CHRM3: variants seen among roughly 807,000 people sequenced by gnomAD.
CHRM3 encodes the protein muscarinic acetylcholine receptor M3.
A neutral mutation model predicts 41.8 loss-of-function variants in CHRM3; 11 were observed. The ratio of observed to expected loss-of-function variants is 0.26; its 90% CI spans 0.17 to 0.44. The LOEUF is 0.44. CHRM3 is among the 20% of genes least tolerant of loss of function. The pLI, the probability that CHRM3 is intolerant of heterozygous loss-of-function variation, is 1.00. For missense variants in CHRM3, 571 were observed against 745.4 expected, an observed-to-expected ratio of 0.77 and a Z score of 2.72; for synonymous variants, 297 against 301.4, an observed-to-expected ratio of 0.99 and a Z score of 0.15.
At position 239,493,649 on chromosome 1, in the gene CHRM3, A is replaced by T. The variant is rs550983203; in HGVS notation, c.-422+842A>T. On this transcript the variant is annotated intron_variant, in intron 2 of 6. Transcript: ENST00000676153. ...TTTTGTGTTTAATTAGTAGGCTCTG[A>T]CTGAGCAGAAAATTAAAATCCCCTA... Among the ~76,000 whole-genome samples the T allele has an allele frequency of 6.6e-5, 10 of 152,268 alleles. 1 individual carries two copies. The South Asian group carries it at 2.1e-3, about 32-fold the overall frequency.
At chr1:239,550,760 A>G (rs1388643483) in intron 3 of CHRM3, among the ~76,000 whole-genome samples, 2 of 152,066 alleles carry the variant, frequency 1.3e-5, no homozygotes, top group Non-Finnish European at 1.5e-5. Context: ...ATTAAGCTCT[A>G]TTGATTGATT....
intron 5 of CHRM3, among the ~76,000 whole-genome samples, chr1:239,681,573 C>A (rs565457122): frequency 6.6e-6 from 1 of 152,256 alleles, no homozygotes; most frequent in South Asian, 2.1e-4. Context: ...ATGTATATGA[C>A]ATTCAAGTAA....
At chr1:239,734,995 T>C (rs1337979158) in intron 5 of CHRM3, among the ~76,000 whole-genome samples, 1 of 152,184 alleles carries the variant, frequency 6.6e-6, no homozygotes, top group Non-Finnish European at 1.5e-5. Flanking sequence ...ATAGGGCATT[T>C]GCATTTGCTC....
intron 1 of CHRM3, among the ~76,000 whole-genome samples, chr1:239,407,417 T>TATATATATATATATATATATATAGAG: frequency 1.3e-4 from 17 of 134,214 alleles, no homozygotes; most frequent in South Asian, 4.8e-4. Flanking sequence ...TATATATATA[T>TATATATATATATATATATATATAGAG]AGAGAGAGAG....
intron 3 of CHRM3, among the ~76,000 whole-genome samples, chr1:239,581,670 C>T (rs538143367): frequency 6.6e-6 from 1 of 152,198 alleles, no homozygotes; most frequent in East Asian, 1.9e-4. Flanking sequence ...ATCTTAATAA[C>T]ATTTTCTTAT....
At chr1:239,520,633 T>G (rs1044818289) in intron 2 of CHRM3, among the ~76,000 whole-genome samples, 1 of 152,126 alleles carries the variant, frequency 6.6e-6, no homozygotes, top group Non-Finnish European at 1.5e-5. Context: ...AAATTTCCAG[T>G]CTCAGGTAGT....
At chr1:239,730,867 T>C (rs1663904596) in intron 5 of CHRM3, among the ~76,000 whole-genome samples, 1 of 151,858 alleles carries the variant, frequency 6.6e-6, no homozygotes, top group African/African-American at 2.4e-5. Context: ...AATTTAGGAC[T>C]CTACTGCAAT....
chr1:239,542,456 G>A (rs1658873084), intron 2 of CHRM3, among the ~76,000 whole-genome samples: 2 of 152,174 alleles, frequency 1.3e-5, no homozygotes, highest in Admixed American at 1.3e-4. Flanking sequence ...TTTGGTTGGA[G>A]ATTAGTATTA....
intron 1 of CHRM3, among the ~76,000 whole-genome samples, chr1:239,438,902 A>G (rs1485040534): frequency 6.6e-6 from 1 of 152,192 alleles, no homozygotes; most frequent in Non-Finnish European, 1.5e-5. Context: ...ATAGAAAACT[A>G]AATCAAGGTA....
chr1:239,907,511 G>T lies in CHRM3; in HGVS notation c.60G>T (p.Trp20Cys). 6.2e-7 allele frequency: 1 copy of T among 1,614,136 alleles called. No homozygotes were observed. Among genetic ancestry groups the T allele is most frequent in the South Asian group, 1.1e-5 (1 of 91,080 alleles). Reference sequence around the variant, plus strand: ...TGTTTCCAAACATCAGCTCCTCCTGGATACACAGCCCCTCCGATGCAGGGC... The same window carrying T: ...TGTTTCCAAACATCAGCTCCTCCTGTATACACAGCCCCTCCGATGCAGGGC... The part of the protein sequence containing the change: ...SPLFPNISSS[W>C]IHSPSDAGLP... Residue 20 changes from tryptophan (W) to cysteine (C), a missense_variant, in exon 7 of 7, where the codon TGG (tryptophan) becomes TGT (cysteine). By Grantham distance (215) the Trp-to-Cys change is radical. This residue lies in a region of CHRM3 where 92 missense variants were observed against 76.1 expected (regional missense o/e 1.21). Transcript: ENST00000676153. The surrounding 1 kb of genome is among the most constrained non-coding windows in gnomAD (Gnocchi z 5.4).
intron 3 of CHRM3, among the ~76,000 whole-genome samples, chr1:239,591,788 G>A (rs1366647870): frequency 2.0e-5 from 3 of 152,150 alleles, no homozygotes; most frequent in East Asian, 3.9e-4. Context: ...AAGTTTTATC[G>A]AAGTAGCTGA....
chr1:239,416,087 C>G (rs1661480030), intron 1 of CHRM3, among the ~76,000 whole-genome samples: 1 of 152,012 alleles, frequency 6.6e-6, no homozygotes. Context: ...CGTGGGGAAG[C>G]CAAATTTGAT....
intron 1 of CHRM3, among the ~76,000 whole-genome samples, chr1:239,391,175 G>A (rs1423725706): frequency 6.6e-6 from 1 of 152,172 alleles, no homozygotes; most frequent in African/African-American, 2.4e-5. Context: ...TTGGTTTGGT[G>A]AAGCAATTGA....
intron 6 of CHRM3, among the ~76,000 whole-genome samples, chr1:239,895,438 C>T (rs116771037): frequency 1.5e-3 from 228 of 152,286 alleles, no homozygotes; most frequent in African/African-American, 5.3e-3. Context: ...CTTGCTTTCT[C>T]GAGCCCTTCT....
chr1:239,852,298 G>A (rs976775575), intron 6 of CHRM3, among the ~76,000 whole-genome samples: 1 of 152,104 alleles, frequency 6.6e-6, no homozygotes, highest in Admixed American at 6.6e-5. Flanking sequence ...AGTGTATTAG[G>A]CACTGCCTGT....
At chr1:239,701,672 T>C (rs1191359682) in intron 5 of CHRM3, among the ~76,000 whole-genome samples, 1 of 152,208 alleles carries the variant, frequency 6.6e-6, no homozygotes, top group Non-Finnish European at 1.5e-5. Flanking sequence ...CTTCTGCTCC[T>C]GATCTTTTAA....
chr1:239,428,098 A>T (rs917638454), intron 1 of CHRM3, among the ~76,000 whole-genome samples: 1 of 152,132 alleles, frequency 6.6e-6, no homozygotes, highest in African/African-American at 2.4e-5. Flanking sequence ...CTCCTGTTCC[A>T]TCTTTGACCC....
chr1:239,812,686 T>A (rs1004676741), intron 5 of CHRM3, among the ~76,000 whole-genome samples: 2 of 152,208 alleles, frequency 1.3e-5, no homozygotes, highest in Admixed American at 1.3e-4. Context: ...TATCCATTTA[T>A]CATGCAAAAT....
At chr1:239,814,623 T>C (rs1647174958) in intron 5 of CHRM3, among the ~76,000 whole-genome samples, 2 of 152,086 alleles carry the variant, frequency 1.3e-5, no homozygotes, top group Admixed American at 6.5e-5. Context: ...GACAAGTGAT[T>C]AGTGACTATG....
Sources: gnomAD v4.1 joint callset for allele counts (sites outside exome capture counted in the v4.1 genomes callset) on GRCh38, gnomAD v4.1.1 for gene constraint, gnomAD v4.1.1 regional missense constraint, Gnocchi (gnomAD v3.1) non-coding constraint, MANE v1.5 for transcripts, NCBI Gene and HGNC (gene_info 2026-07-23, HGNC 2026-07-21) for gene names.